VPS28: variants seen among roughly 807,000 people sequenced by gnomAD.
VPS28 encodes the protein vacuolar protein sorting-associated protein 28 homolog.
Under a neutral mutation model 33.7 loss-of-function variants are expected in VPS28, and 29 were observed. The observed-to-expected ratio is 0.86, with a 90% CI of 0.64 to 1.17. The LOEUF is 1.17. Among genes scored for constraint, VPS28 ranks in the 50% most tolerant of loss-of-function variants. The probability of loss-of-function intolerance (pLI) is 0.00; values close to 1 mark genes in which losing one functional copy is unlikely to be tolerated. For synonymous variants in VPS28, 164 were observed against 116.7 expected, an observed-to-expected ratio of 1.40 and a Z score of -2.61; for missense variants, 247 against 312.2, an observed-to-expected ratio of 0.79 and a Z score of 1.57.
intron 1 of VPS28, among the ~76,000 whole-genome samples, chr8:144,428,164 C>A (rs1554877344): frequency 6.6e-6 from 1 of 152,122 alleles, no homozygotes; most frequent in Non-Finnish European, 1.5e-5. Context: ...CATTGCGAGC[C>A]GCGGGGTGGG....
intron 1 of VPS28, among the ~76,000 whole-genome samples, chr8:144,427,862 CCT>C (rs1161924616): frequency 2.6e-5 from 4 of 152,112 alleles, no homozygotes; most frequent in Admixed American, 6.6e-5. Flanking sequence ...GAACGACACC[CCT>C]GTTTTTGGCC....
At chr8:144,424,675 G>A (rs369859797) in intron 7 of VPS28, 43 bp downstream of exon 7, 4 of 1,597,340 alleles carry the variant, frequency 2.5e-6, no homozygotes, top group Non-Finnish European at 3.4e-6. Context: ...GCAGCAGGCA[G>A]CCTCGGCTCT....
Position 144,424,114 on chromosome 8 carries a change from C to A in VPS28, c.475G>T (p.Glu159Ter), listed in dbSNP as rs1164385510. ...ATGCGGTGCATGGTCTCCATCAGCT[C>A]TCGCAGGTCGGGCTGGATCTGAGAC... is the stretch of plus-strand genomic sequence containing the variant. The part of the protein sequence containing the change: ...AMDEIQPDLR[E>*]LMETMHRMSH... Residue 159 changes from glutamate (E) to a stop codon, truncating the protein, a stop_gained, in exon 9 of 10, where the codon GAG (glutamate) becomes TAG (stop). Coordinates refer to ENST00000292510, the MANE Select transcript of VPS28 (RefSeq NM_016208.4). LOFTEE classifies it high-confidence loss of function. The A allele has an allele frequency of 2.6e-6, 4 of 1,549,818 alleles. No individual in the cohort carries two copies. The highest frequency in any genetic ancestry group is 2.6e-6 in the Non-Finnish European group (3 of 1,144,562).
In VPS28 at chr8:144,426,983, G is replaced by T; in HGVS notation, c.-34-4C>A. On this transcript the variant is annotated splice_polypyrimidine_tract_variant and splice_region_variant and intron_variant, in intron 1 of 9. Coordinates refer to ENST00000292510, the MANE Select transcript of VPS28 (RefSeq NM_016208.4). ...GGGGGGGGCACAGCACTGAGACCTG[G>T]GGAGCAGAGCCAGGGCCGACTCAAA... 1 of 1,609,574 alleles carries T rather than the reference G, an allele frequency of 6.2e-7. No individual in the cohort carries two copies. The highest frequency in any genetic ancestry group is 1.1e-5 in the South Asian group (1 of 90,676).
chr8:144,427,145 C>G, intron 1 of VPS28, 166 bp from the exon 2 acceptor site: 1 of 465,260 alleles, frequency 2.1e-6, no homozygotes, highest in South Asian at 2.2e-5. Context: ...ACTAAAATTA[C>G]AAAATTAGCC....
intron 1 of VPS28, among the ~76,000 whole-genome samples, chr8:144,427,789 T>C (rs1822885792): frequency 1.3e-5 from 2 of 152,228 alleles, no homozygotes; most frequent in Admixed American, 1.3e-4. Flanking sequence ...ACGTTCTCTC[T>C]TTGAAAGTGG....
rs373985282 is a variant in VPS28, at chr8:144,426,256, A to G, written c.38-48T>C. 3 of 1,550,142 alleles carry G rather than the reference A, an allele frequency of 1.9e-6. No homozygotes were observed. The African/African-American group carries it at 4.1e-5, about 21-fold the overall frequency. On this transcript the variant is annotated intron_variant, in intron 2 of 9. Transcript: ENST00000292510. ...GGCAGGCTGGCCCCAAAGGGAACCC[A>G]AGGGCAGACTCCAGTCCCAGTCTCC...
At position 144,424,022 on chromosome 8, in the gene VPS28, G is replaced by T. The variant is rs1160477377; in HGVS notation, c.548+19C>A. The T allele has an allele frequency of 6.3e-6, 10 of 1,595,446 alleles. No individual in the cohort carries two copies. Among genetic ancestry groups the T allele is most frequent in the Non-Finnish European group, 8.6e-6 (10 of 1,167,852 alleles). On this transcript the variant is annotated intron_variant, in intron 9 of 9. Coordinates refer to ENST00000292510, the MANE Select transcript of VPS28 (RefSeq NM_016208.4). ...TCTCGGGCACTGCGGGGCTCTGCCT[G>T]GCTGGGAGGGACACCCACCACTGGC...
intron 1 of VPS28, among the ~76,000 whole-genome samples, chr8:144,427,598 G>A (rs568439300): frequency 1.5e-4 from 23 of 152,298 alleles, no homozygotes; most frequent in African/African-American, 5.3e-4. Context: ...TTAACAGCCC[G>A]CCTTTAAGTA....
rs147000414 is a variant in VPS28 at position 144,425,423 on chromosome 8, G to A, written c.194+260C>T. On this transcript the variant is annotated intron_variant, in intron 5 of 9. Coordinates refer to ENST00000292510, the MANE Select transcript of VPS28 (RefSeq NM_016208.4). ...ATCCTGGGACATCCCCAAGCCTCTC[G>A]ACCGTTTTTTAAGGTTGCCTGTGCT... 5,535 of 576,738 alleles carry A rather than the reference G, an allele frequency of 9.6e-3. 56 individuals carry two copies. The highest frequency in any genetic ancestry group is 0.014 in the Non-Finnish European group (4,480 of 323,286). The allele number at this position is 576,738 out of a possible 1,614,324, so 35.7% of individuals were successfully genotyped here.
intron 2 of VPS28, 40 bp downstream of exon 2, chr8:144,426,869 A>C: frequency 6.2e-7 from 1 of 1,609,488 alleles, no homozygotes; most frequent in Non-Finnish European, 8.5e-7. Context: ...CAGCCCCTGC[A>C]GAAGCGGCTG....
At chr8:144,425,207 G>C in intron 5 of VPS28, 156 bp from the exon 6 acceptor site, 2 of 665,652 alleles carry the variant, frequency 3.0e-6, no homozygotes, top group Non-Finnish European at 5.2e-6. Context: ...GTAGCTTTTG[G>C]GGGTGAGGCC....
intron 7 of VPS28, 74 bp from the exon 8 acceptor site, chr8:144,424,342 C>T (rs1822572497): frequency 1.3e-6 from 2 of 1,512,072 alleles, no homozygotes; most frequent in Non-Finnish European, 1.8e-6. Flanking sequence ...GGCCCCAACC[C>T]CTCCTCAGCC....
intron 1 of VPS28, chr8:144,427,308 AAACG>A (rs1448073046): frequency 5.8e-5 from 10 of 173,114 alleles, no homozygotes; most frequent in Non-Finnish European, 1.1e-4. Context: ...CAAAACAAAC[AAACG>A]AACAACAAAA....
chr8:144,425,783 A>G lies in VPS28; in HGVS notation c.105-11T>C, dbSNP rs782585303. ...GCCATGTTGTCGTACCTGAGGACAC[A>G]CCTGTCTATCGGGCCAGGCCCCGGG... On this transcript the variant is annotated splice_polypyrimidine_tract_variant and intron_variant, in intron 4 of 9. Coordinates refer to ENST00000292510, the MANE Select transcript of VPS28 (RefSeq NM_016208.4). The G allele has an allele frequency of 1.9e-6, 3 of 1,613,486 alleles. No homozygotes were observed. Among genetic ancestry groups the G allele is most frequent in the Non-Finnish European group, 2.5e-6 (3 of 1,179,850 alleles).
intron 2 of VPS28, 30 bp downstream of exon 2, chr8:144,426,879 G>A (rs781797924): frequency 1.9e-6 from 3 of 1,611,500 alleles, no homozygotes; most frequent in African/African-American, 2.7e-5. Flanking sequence ...AGAAGCGGCT[G>A]AAAGCCTGCG....
intron 7 of VPS28, chr8:144,424,506 G>A (rs549288020): frequency 1.3e-5 from 10 of 778,152 alleles, no homozygotes; most frequent in African/African-American, 3.5e-5. Flanking sequence ...CCGCCAGAAC[G>A]CACCCTGTGC....
At chr8:144,424,308 GT>G (rs782535606) in intron 7 of VPS28, 40 bp from the exon 8 acceptor site, 1 of 1,549,938 alleles carries the variant, frequency 6.5e-7, no homozygotes, top group African/African-American at 1.4e-5. Context: ...GTGTCCACGG[GT>G]GCGGGAGGCC....
At chr8:144,424,684 C>T (rs1756503697) in intron 7 of VPS28, 34 bp downstream of exon 7, 1 of 1,605,276 alleles carries the variant, frequency 6.2e-7, no homozygotes, top group Non-Finnish European at 8.5e-7. Context: ...AGCCTCGGCT[C>T]TCCTAACCAC....
Sources: allele counts gnomAD v4.1 joint callset (sites outside exome capture counted in the v4.1 genomes callset), GRCh38; gene constraint gnomAD v4.1.1; transcripts MANE v1.5; gene names NCBI Gene and HGNC (gene_info 2026-07-23, HGNC 2026-07-21).